CNTNAP2: variants seen among roughly 807,000 people sequenced by gnomAD.
CNTNAP2 encodes the protein contactin associated protein 2.
Under a neutral mutation model 155.2 loss-of-function variants are expected in CNTNAP2, and 98 were observed. The ratio of observed to expected loss-of-function variants is 0.63; its 90% CI spans 0.54 to 0.75. The LOEUF (loss-of-function observed/expected upper bound fraction) is 0.75, where lower values mean the gene tolerates loss of function less well. Ranked by LOEUF, CNTNAP2 falls within the 30% of genes least tolerant of loss-of-function variation. The probability of loss-of-function intolerance (pLI) is 0.00; values close to 1 mark genes in which losing one functional copy is unlikely to be tolerated. For synonymous variants in CNTNAP2, 651 were observed against 631.2 expected, an observed-to-expected ratio of 1.03 and a Z score of -0.47; for missense variants, 1,727 against 1,688.1, an observed-to-expected ratio of 1.02 and a Z score of -0.40.
At chr7:147,107,721 CAAAGA>C (rs1362818053) in intron 4 of CNTNAP2, among the ~76,000 whole-genome samples, 1 of 151,994 alleles carries the variant, frequency 6.6e-6, no homozygotes, top group Non-Finnish European at 1.5e-5. Flanking sequence ...ATTCTTACAT[CAAAGA>C]AAACAACTTT....
At chr7:147,649,522 A>G (rs181006112) in intron 13 of CNTNAP2, among the ~76,000 whole-genome samples, 1 of 152,330 alleles carries the variant, frequency 6.6e-6, no homozygotes, top group African/African-American at 2.4e-5. Context: ...CAAAGATTAT[A>G]TATTAAAATG....
rs190594101 is a variant in CNTNAP2 at position 146,494,756 on chromosome 7, T to C, written c.98-279515T>C. ...GCATTTTTCTCACTTTATATTTAAG[T>C]ATACCCCCTTTAAAAGATGGAATGC... On this transcript the variant is annotated intron_variant, in intron 1 of 23. Coordinates refer to ENST00000361727, the MANE Select transcript of CNTNAP2 (RefSeq NM_014141.6). Among the ~76,000 whole-genome samples the C allele has an allele frequency of 2.2e-3, 339 of 152,364 alleles. 9 individuals carry two copies. Among genetic ancestry groups the C allele is most frequent in the Admixed American group, 0.022 (333 of 15,296 alleles).
chr7:147,247,246 T>C (rs556090069), intron 8 of CNTNAP2, among the ~76,000 whole-genome samples: 1 of 152,306 alleles, frequency 6.6e-6, no homozygotes, highest in South Asian at 2.1e-4. Context: ...ATGAGTAAAA[T>C]TGCTTTCAGT....
intron 8 of CNTNAP2, among the ~76,000 whole-genome samples, chr7:147,149,932 T>C (rs1370335042): frequency 6.6e-6 from 1 of 152,232 alleles, no homozygotes; most frequent in Non-Finnish European, 1.5e-5. Context: ...AATAGGTCTA[T>C]GCAGAGTGTG....
At chr7:147,952,052 A>G (rs967311156) in intron 14 of CNTNAP2, among the ~76,000 whole-genome samples, 6 of 151,952 alleles carry the variant, frequency 3.9e-5, no homozygotes, top group African/African-American at 1.5e-4. Context: ...TGTTAGATGA[A>G]TACCTCAAAC....
intron 1 of CNTNAP2, among the ~76,000 whole-genome samples, chr7:146,224,894 G>C (rs1245247962): frequency 6.6e-6 from 1 of 152,028 alleles, no homozygotes; most frequent in Non-Finnish European, 1.5e-5. Context: ...TCTTCAAATT[G>C]ACTAGGCCTG....
intron 8 of CNTNAP2, among the ~76,000 whole-genome samples, chr7:147,136,606 A>G (rs1801485225): frequency 6.6e-6 from 1 of 151,916 alleles, no homozygotes; most frequent in African/African-American, 2.4e-5. Flanking sequence ...ATCTGGGCAA[A>G]TGTGTTTGGG....
At chr7:146,295,056 G>T (rs1378523176) in intron 1 of CNTNAP2, among the ~76,000 whole-genome samples, 1 of 152,122 alleles carries the variant, frequency 6.6e-6, no homozygotes, top group Non-Finnish European at 1.5e-5. Flanking sequence ...TGCATATTCA[G>T]TTATAGAATT....
At chr7:146,271,618 G>GT in intron 1 of CNTNAP2, among the ~76,000 whole-genome samples, 1 of 151,718 alleles carries the variant, frequency 6.6e-6, no homozygotes, top group Admixed American at 6.5e-5. Flanking sequence ...TTCTATTTTA[G>GT]TTTTCAAATA....
At chr7:147,321,158 A>G in intron 9 of CNTNAP2, among the ~76,000 whole-genome samples, 1 of 152,180 alleles carries the variant, frequency 6.6e-6, no homozygotes, top group East Asian at 1.9e-4. Flanking sequence ...TGCCTTCAAG[A>G]GAACTTGCAC....
rs986450793 is a variant in CNTNAP2, at chr7:147,063,196, A to G, written c.550+19142A>G. Among the ~76,000 whole-genome samples the G allele has an allele frequency of 2.0e-5, 3 of 152,312 alleles. No homozygotes were observed. The East Asian group carries it at 5.8e-4, about 29-fold the overall frequency. On this transcript the variant is annotated intron_variant, in intron 4 of 23. Transcript: ENST00000361727. ...GTGCTTAGCCCCATGCTCTTCCACT[A>G]TATTACATTTAAGGTAACATGTACG...
chr7:148,104,739 G>A (rs973295569), intron 15 of CNTNAP2, among the ~76,000 whole-genome samples: 2 of 152,312 alleles, frequency 1.3e-5, no homozygotes, highest in African/African-American at 2.4e-5. Context: ...ACCCATCATT[G>A]TCAGTACCAC....
intron 10 of CNTNAP2, among the ~76,000 whole-genome samples, chr7:147,409,492 C>T (rs1797066045): frequency 6.6e-6 from 1 of 152,064 alleles, no homozygotes. Flanking sequence ...TAGGCATGGG[C>T]AAAGGTTTCA....
At chr7:147,133,415 A>T (rs1021970910) in intron 8 of CNTNAP2, among the ~76,000 whole-genome samples, 7 of 152,040 alleles carry the variant, frequency 4.6e-5, no homozygotes, top group African/African-American at 1.4e-4. Flanking sequence ...CATGACAGAG[A>T]GCTCAATTGG....
chr7:146,335,499 T>C (rs1210098915), intron 1 of CNTNAP2, among the ~76,000 whole-genome samples: 1 of 152,116 alleles, frequency 6.6e-6, no homozygotes, highest in Non-Finnish European at 1.5e-5. Flanking sequence ...AGAAGGAGCC[T>C]CCCAACATTA....
chr7:147,702,297 A>G (rs892459581), intron 13 of CNTNAP2, among the ~76,000 whole-genome samples: 18 of 152,038 alleles, frequency 1.2e-4, no homozygotes, highest in Non-Finnish European at 2.1e-4. Flanking sequence ...AAAAGTGTTT[A>G]TATCTAGTTC....
Position 147,834,437 on chromosome 7 carries a change from TAC to T in CNTNAP2, c.2099-69126_2099-69125del, listed in dbSNP as rs200008098. ...GTCTATGGAGGAAGCCATCTAAAAC[TAC>T]AGAGTGTTGTAAAAATACCCTCGTA... On this transcript the variant is annotated intron_variant, in intron 13 of 23. Coordinates refer to ENST00000361727, the MANE Select transcript of CNTNAP2 (RefSeq NM_014141.6). 3.3e-3 allele frequency among the ~76,000 whole-genome samples: 499 copies of T among 152,336 alleles called. 7 individuals carry two copies. The East Asian group carries it at 0.034, about 10-fold the overall frequency.
At chr7:147,459,850 G>A (rs1011332379) in intron 10 of CNTNAP2, among the ~76,000 whole-genome samples, 3 of 152,144 alleles carry the variant, frequency 2.0e-5, no homozygotes, top group Non-Finnish European at 4.4e-5. Context: ...AAAATCACTT[G>A]TTCCCAGGAC....
At chr7:148,165,497 G>T (rs975365669) in intron 17 of CNTNAP2, among the ~76,000 whole-genome samples, 18 of 152,230 alleles carry the variant, frequency 1.2e-4, no homozygotes, top group African/African-American at 4.3e-4. Context: ...TTCCAACTAT[G>T]TGCTTCTATA....
Sources: allele counts gnomAD v4.1 joint callset (sites outside exome capture counted in the v4.1 genomes callset), GRCh38; gene constraint gnomAD v4.1.1; transcripts MANE v1.5; gene names NCBI Gene and HGNC (gene_info 2026-07-23, HGNC 2026-07-21).